The following ULK4 variants were observed in gnomAD, a reference collection of about 807,000 sequenced individuals.
ULK4 encodes inactive serine/threonine-protein kinase ULK4.
In ULK4, 133 loss-of-function variants were observed where a neutral mutation model predicts 160.6. That is an observed-to-expected ratio of 0.83 (90% confidence interval 0.72 to 0.96). The LOEUF (loss-of-function observed/expected upper bound fraction) is 0.96, where lower values mean the gene tolerates loss of function less well. ULK4 is among the 40% of genes least tolerant of loss of function. The pLI, the probability that ULK4 is intolerant of heterozygous loss-of-function variation, is 0.00. For missense variants in ULK4, 1,580 were observed against 1,499.5 expected, an observed-to-expected ratio of 1.05 and a Z score of -0.89; for synonymous variants, 534 against 539.8, an observed-to-expected ratio of 0.99 and a Z score of 0.15.
At chr3:41,298,425 C>T (rs1422202387) in intron 35 of ULK4, among the ~76,000 whole-genome samples, 1 of 152,126 alleles carries the variant, frequency 6.6e-6, no homozygotes, top group African/African-American at 2.4e-5. Context: ...TCCATTATTG[C>T]CTCTGTCTAA....
intron 25 of ULK4, among the ~76,000 whole-genome samples, 194 bp downstream of exon 25, chr3:41,715,043 T>C (rs986755220): frequency 5.9e-5 from 9 of 152,170 alleles, no homozygotes; most frequent in Admixed American, 2.0e-4. Context: ...AAATACATTA[T>C]CAGGAGAGAA....
At chr3:41,713,078 CA>C (rs1265738297) in intron 25 of ULK4, among the ~76,000 whole-genome samples, 1 of 146,988 alleles carries the variant, frequency 6.8e-6, no homozygotes. Flanking sequence ...CCACTACCAC[CA>C]AAAAAAAGAA....
At chr3:41,831,286 A>G (rs1201993141) in intron 18 of ULK4, among the ~76,000 whole-genome samples, 1 of 151,938 alleles carries the variant, frequency 6.6e-6, no homozygotes, top group Admixed American at 6.6e-5. Flanking sequence ...TTGGCCTCCA[A>G]AAGTACTGGG....
chr3:41,691,111 C>G (rs1223431371), intron 27 of ULK4, among the ~76,000 whole-genome samples: 1 of 151,898 alleles, frequency 6.6e-6, no homozygotes, highest in African/African-American at 2.4e-5. Flanking sequence ...AACATGTGCA[C>G]TAAGAGGCAA....
At chr3:41,835,502 G>T (rs1029668483) in intron 18 of ULK4, among the ~76,000 whole-genome samples, 22 of 152,296 alleles carry the variant, frequency 1.4e-4, no homozygotes, top group African/African-American at 5.3e-4. Flanking sequence ...TATTTAAACT[G>T]AAATGGAGCT....
intron 21 of ULK4, among the ~76,000 whole-genome samples, chr3:41,789,387 C>A (rs2040084622): frequency 6.6e-6 from 1 of 152,078 alleles, no homozygotes; most frequent in South Asian, 2.1e-4. Context: ...ATAAGAAATG[C>A]CAGCATATAG....
At chr3:41,747,056 A>G (rs1262379764) in intron 22 of ULK4, among the ~76,000 whole-genome samples, 2 of 151,998 alleles carry the variant, frequency 1.3e-5, no homozygotes, top group Non-Finnish European at 2.9e-5. Context: ...ACCATAAACA[A>G]TATTTTTTAA....
intron 33 of ULK4, among the ~76,000 whole-genome samples, chr3:41,456,469 TATC>T (rs1331753641): frequency 6.6e-6 from 1 of 152,228 alleles, no homozygotes; most frequent in Non-Finnish European, 1.5e-5. Context: ...TTGTCCAACA[TATC>T]ATTGCATGAA....
At chr3:41,615,256 G>A (rs2032904985) in intron 31 of ULK4, among the ~76,000 whole-genome samples, 1 of 152,130 alleles carries the variant, frequency 6.6e-6, no homozygotes, top group South Asian at 2.1e-4. Context: ...CTGACCACAG[G>A]CATAAAACTG....
intron 5 of ULK4, among the ~76,000 whole-genome samples, chr3:41,925,162 T>C (rs1559653904): frequency 1.3e-5 from 2 of 152,174 alleles, no homozygotes; most frequent in South Asian, 2.1e-4. Context: ...GTGAGATCAA[T>C]GAAGAAGGCA....
At chr3:41,690,309 G>A (rs1345968918) in intron 27 of ULK4, among the ~76,000 whole-genome samples, 10 of 151,400 alleles carry the variant, frequency 6.6e-5, no homozygotes, top group African/African-American at 2.4e-5. Flanking sequence ...GGGGAGTGGG[G>A]AGGGATAGCT....
intron 35 of ULK4, among the ~76,000 whole-genome samples, chr3:41,279,276 C>CAAAAAAAAAAAAAAAA (rs1347630140): frequency 2.7e-5 from 2 of 73,624 alleles, no homozygotes; most frequent in African/African-American, 1.3e-4. Context: ...AAAAAAAAAA[C>CAAAAAAAAAAAAAAAA]AAAACGACAA....
At chr3:41,775,498 A>C (rs763381684) in intron 21 of ULK4, among the ~76,000 whole-genome samples, 1 of 149,502 alleles carries the variant, frequency 6.7e-6, no homozygotes, top group Non-Finnish European at 1.5e-5. Flanking sequence ...TCCCAGTTTC[A>C]AGCGATTCTC....
intron 35 of ULK4, among the ~76,000 whole-genome samples, chr3:41,281,130 C>T (rs2079344289): frequency 6.6e-6 from 1 of 152,136 alleles, no homozygotes; most frequent in African/African-American, 2.4e-5. Flanking sequence ...TCTGAACAGA[C>T]CAATAACAGG....
Position 41,370,781 on chromosome 3 carries a change from G to A in ULK4, c.3678+27298C>T, listed in dbSNP as rs531435351. On this transcript the variant is annotated intron_variant, in intron 35 of 36. Transcript: ENST00000301831. ...TCCAAACCCCAGTGGCGCCTGGAACGTCAGCATGAAAGAACTGTTCACTAC... is the reference window on the plus strand; with the variant it reads ...TCCAAACCCCAGTGGCGCCTGGAACATCAGCATGAAAGAACTGTTCACTAC... 1.1e-4 allele frequency among the ~76,000 whole-genome samples: 17 copies of A among 152,298 alleles called. No homozygotes were observed. In the East Asian group the frequency reaches 1.2e-3, roughly 10 times the overall value.
intron 32 of ULK4, among the ~76,000 whole-genome samples, chr3:41,513,991 TA>T (rs1262326561): frequency 1.3e-5 from 2 of 152,146 alleles, no homozygotes; most frequent in Non-Finnish European, 2.9e-5. Flanking sequence ...AATACTAAGA[TA>T]AAAAAGAATG....
At chr3:41,828,088 A>G (rs1022966611) in intron 18 of ULK4, among the ~76,000 whole-genome samples, 1 of 147,086 alleles carries the variant, frequency 6.8e-6, no homozygotes, top group Non-Finnish European at 1.5e-5. Context: ...GGCCTTTGAC[A>G]AAATTCAACA....
At chr3:41,947,520 G>A (rs1427447616) in intron 2 of ULK4, among the ~76,000 whole-genome samples, 1 of 152,130 alleles carries the variant, frequency 6.6e-6, no homozygotes, top group Non-Finnish European at 1.5e-5. Context: ...ACTGGAGAGG[G>A]GGCATTGGTA....
At chr3:41,642,243 G>A (rs57189600) in intron 30 of ULK4, among the ~76,000 whole-genome samples, 9,304 of 151,886 alleles carry the variant, frequency 0.061, 963 homozygotes, top group African/African-American at 0.21. Flanking sequence ...CAACGTGCAG[G>A]TTTGTTACTT....
Sources: allele counts gnomAD v4.1 joint callset (sites outside exome capture counted in the v4.1 genomes callset), GRCh38; gene constraint gnomAD v4.1.1; transcripts MANE v1.5; gene names NCBI Gene and HGNC (gene_info 2026-07-23, HGNC 2026-07-21).